The following RASAL2 variants were observed in gnomAD, a reference collection of about 807,000 sequenced individuals.
RASAL2 encodes RAS protein activator like 2.
RASAL2 carries 58 observed loss-of-function variants against 128.9 expected under a neutral mutation model. The ratio of observed to expected loss-of-function variants is 0.45; its 90% CI spans 0.36 to 0.56. The LOEUF (loss-of-function observed/expected upper bound fraction) is 0.56. Among genes scored for constraint, RASAL2 ranks in the 20% least tolerant of loss-of-function variants. The pLI is 0.00. For synonymous variants in RASAL2, 561 were observed against 580.8 expected, an observed-to-expected ratio of 0.97 and a Z score of 0.49; for missense variants, 1,360 against 1,601.6, an observed-to-expected ratio of 0.85 and a Z score of 2.57.
intron 3 of RASAL2, among the ~76,000 whole-genome samples, chr1:178,315,231 A>C (rs1025019552): frequency 6.7e-6 from 1 of 149,362 alleles, no homozygotes. Context: ...GCTATTGTGA[A>C]TAATGCCGCA....
intron 1 of RASAL2, among the ~76,000 whole-genome samples, chr1:178,164,823 TTGTG>T (rs200932615): frequency 0.19 from 25,343 of 131,702 alleles, 2,134 homozygotes; most frequent in Non-Finnish European, 0.24. Flanking sequence ...CATCAAACGT[TTGTG>T]TGTGTGTGTG....
intron 3 of RASAL2, among the ~76,000 whole-genome samples, chr1:178,331,430 T>C (rs1403299241): frequency 6.6e-6 from 1 of 152,194 alleles, no homozygotes; most frequent in Admixed American, 6.5e-5. Context: ...TCAAGTTGTC[T>C]ATTTTACTGT....
intron 1 of RASAL2, among the ~76,000 whole-genome samples, chr1:178,122,395 C>T (rs1255661467): frequency 6.6e-6 from 1 of 152,178 alleles, no homozygotes; most frequent in Non-Finnish European, 1.5e-5. Flanking sequence ...ATGCTGCCTG[C>T]TTTGACTGTG....
Position 178,441,636 on chromosome 1 carries a change from C to A in RASAL2, c.916C>A (p.Gln306Lys). Residue 306 changes from glutamine to lysine, a missense_variant, in exon 7 of 18, where the codon CAA becomes AAA. Physicochemically the swap from Gln to Lys is moderately conservative, Grantham distance 53. Around this residue, in one of 3 missense-constraint regions of RASAL2, gnomAD observed 617 missense variants for 714.2 expected, o/e 0.86. Coordinates refer to ENST00000367649, the MANE Select transcript of RASAL2 (RefSeq NM_170692.4). ...GATGGAAAACCTTCGCAGGACAGTT[C>A]AACCTAATAAGGTAATAGTAGCTTC... ...KWMENLRRTV[Q>K]PNKDNCRRAE... 2 of 1,610,448 alleles carry A rather than the reference C, an allele frequency of 1.2e-6. No individual in the cohort carries two copies. Among genetic ancestry groups the A allele is most frequent in the South Asian group, 2.2e-5 (2 of 90,900 alleles).
intron 3 of RASAL2, among the ~76,000 whole-genome samples, chr1:178,317,911 C>T (rs1207363280): frequency 3.3e-5 from 5 of 151,850 alleles, no homozygotes; most frequent in Non-Finnish European, 7.4e-5. Flanking sequence ...ATCTTTCCTG[C>T]TTTCTCTTGT....
chr1:178,113,922 A>G (rs1056046967), intron 1 of RASAL2, among the ~76,000 whole-genome samples: 2 of 152,130 alleles, frequency 1.3e-5, no homozygotes, highest in African/African-American at 4.8e-5. Flanking sequence ...GTATTTCATA[A>G]TTTTTGATAA....
chr1:178,094,462 C>A lies in RASAL2; in HGVS notation c.-31C>A. The A allele has an allele frequency of 6.6e-7, 1 of 1,517,076 alleles. No individual in the cohort carries two copies. 94.0% of individuals were successfully genotyped at this position (1,517,076 alleles called of 1,614,324 possible). A position where few individuals can be genotyped will look rare whatever the true frequency, so the allele number is the denominator to read the frequency against. On this transcript the variant is annotated 5_prime_UTR_variant, in exon 1 of 18. Coordinates refer to ENST00000367649, the MANE Select transcript of RASAL2 (RefSeq NM_170692.4). ...CGCGCGCCAGCCCGCCCCGAAGCCG[C>A]CGCCTCGTCCCCCTCCCGCCTCGGG...
chr1:178,255,010 G>A (rs911879059), intron 1 of RASAL2, among the ~76,000 whole-genome samples: 3 of 151,442 alleles, frequency 2.0e-5, no homozygotes, highest in African/African-American at 7.3e-5. Context: ...GAGACAATAG[G>A]ATAACATACT....
chr1:178,331,668 C>A (rs1669320322), intron 3 of RASAL2, among the ~76,000 whole-genome samples: 1 of 147,598 alleles, frequency 6.8e-6, no homozygotes, highest in African/African-American at 2.5e-5. Flanking sequence ...CTCACTGCAA[C>A]CTCCGCCTCC....
chr1:178,357,607 C>G (rs967409864), intron 3 of RASAL2, among the ~76,000 whole-genome samples: 7 of 152,050 alleles, frequency 4.6e-5, no homozygotes, highest in Non-Finnish European at 8.8e-5. Flanking sequence ...TCAAGTCCCT[C>G]TGTACTCTCA....
intron 1 of RASAL2, among the ~76,000 whole-genome samples, chr1:178,182,629 TC>T (rs961240083): frequency 3.9e-5 from 6 of 152,112 alleles, no homozygotes; most frequent in Non-Finnish European, 8.8e-5. Flanking sequence ...TCTACCCTTC[TC>T]CCCTGGCATA....
Position 178,466,117 on chromosome 1 carries a change from C to T in RASAL2, c.3585C>T (p.Ile1195=). The change falls in exon 16 of 18, where the codon ATC becomes ATT. Residue 1195 remains isoleucine (I), a synonymous_variant. Coordinates refer to ENST00000367649, the MANE Select transcript of RASAL2 (RefSeq NM_170692.4). ...EEKDSQMKSI[I]SRLMAVEEEL... ...AAGATAGCCAGATGAAAAGCATCAT[C>T]AGCAGGTTAGACATCACCTGGCAGC... 6.4e-7 allele frequency: 1 copy of T among 1,556,726 alleles called. No individual in the cohort carries two copies. The highest frequency in any genetic ancestry group is 8.7e-7 in the Non-Finnish European group (1 of 1,150,012).
chr1:178,293,831 T>C (rs530789144), intron 2 of RASAL2, among the ~76,000 whole-genome samples: 6 of 152,364 alleles, frequency 3.9e-5, no homozygotes, highest in Non-Finnish European at 7.4e-5. Context: ...AAAGATGTGT[T>C]ACCGGAGAAC....
At chr1:178,147,479 C>CAAAAAA (rs71297899) in intron 1 of RASAL2, among the ~76,000 whole-genome samples, 11 of 82,946 alleles carry the variant, frequency 1.3e-4, no homozygotes, top group East Asian at 4.0e-4. Flanking sequence ...GACTCCGTCT[C>CAAAAAA]AAAAAAAAAA....
At chr1:178,176,609 G>A (rs1339182461) in intron 1 of RASAL2, among the ~76,000 whole-genome samples, 4 of 89,534 alleles carry the variant, frequency 4.5e-5, no homozygotes, top group African/African-American at 1.6e-4. Context: ...AGCCATATTT[G>A]TTGCATTTTT....
chr1:178,452,737 A>G (rs1371992213), intron 11 of RASAL2, 85 bp downstream of exon 11: 17 of 1,074,218 alleles, frequency 1.6e-5, no homozygotes, highest in Non-Finnish European at 1.9e-5. Context: ...TGGGAGCCTC[A>G]TCACTCATGT....
chr1:178,283,990 A>C (rs1443060333), intron 2 of RASAL2, among the ~76,000 whole-genome samples: 1 of 152,176 alleles, frequency 6.6e-6, no homozygotes, highest in Non-Finnish European at 1.5e-5. Flanking sequence ...AATGATCTCG[A>C]GGGGCCATTG....
At chr1:178,419,032 A>G (rs1674961884) in intron 4 of RASAL2, among the ~76,000 whole-genome samples, 1 of 152,208 alleles carries the variant, frequency 6.6e-6, no homozygotes, top group Non-Finnish European at 1.5e-5. Context: ...TTAGATAATC[A>G]TAACCTAGCT....
At chr1:178,327,199 A>G (rs1441960484) in intron 3 of RASAL2, among the ~76,000 whole-genome samples, 3 of 152,110 alleles carry the variant, frequency 2.0e-5, no homozygotes, top group Admixed American at 1.3e-4. Flanking sequence ...GCTTTTTAAA[A>G]CTATAGTATT....
Sources: allele counts gnomAD v4.1 joint callset (sites outside exome capture counted in the v4.1 genomes callset), GRCh38; gene constraint gnomAD v4.1.1; regional missense constraint gnomAD v4.1.1; transcripts MANE v1.5; gene names NCBI Gene and HGNC (gene_info 2026-07-23, HGNC 2026-07-21).